The following SLC9A1 variants were observed in gnomAD, a reference collection of about 807,000 sequenced individuals.
SLC9A1 encodes solute carrier family 9 member A1.
SLC9A1 carries 22 observed loss-of-function variants against 67.9 expected under a neutral mutation model. That is an observed-to-expected ratio of 0.32 (90% CI 0.23 to 0.46). The LOEUF (loss-of-function observed/expected upper bound fraction) is 0.46. SLC9A1 is among the 20% of genes least tolerant of loss of function. The probability of loss-of-function intolerance (pLI) is 1.00; values close to 1 mark genes in which losing one functional copy is unlikely to be tolerated. For synonymous variants in SLC9A1, 421 were observed against 471.8 expected, an observed-to-expected ratio of 0.89 and a Z score of 1.40; for missense variants, 686 against 1,094.8, an observed-to-expected ratio of 0.63 and a Z score of 5.27.
chr1:27,105,624 G>A (rs2083178029), intron 5 of SLC9A1: 1 of 677,724 alleles, frequency 1.5e-6, no homozygotes, highest in Non-Finnish European at 2.8e-6. Context: ...AATGCTCTAT[G>A]AGTTCCAAAT....
rs1048948807 is a variant in SLC9A1 at position 27,107,745 on chromosome 1, G to A, written c.1185C>T (p.Phe395=). 1 of 1,592,710 alleles carries A rather than the reference G, an allele frequency of 6.3e-7. No homozygotes were observed. Among genetic ancestry groups the A allele is most frequent in the Non-Finnish European group, 8.5e-7 (1 of 1,170,442 alleles). Residue 395 remains phenylalanine (F), a synonymous_variant, in exon 4 of 12, where the codon TTC becomes TTT. Transcript: ENST00000263980. ...MWSSVSETLI[F]IFLGVSTVAG... is the part of the protein sequence containing the mutation. ...CCACCGTGGAGACGCCGAGGAAGAT[G>A]AAGATGAGGGTCTCGCTGACGCTGC...
chr1:27,100,706 A>G lies in SLC9A1; in HGVS notation c.2111-62T>C. 2 of 1,394,684 alleles carry G rather than the reference A, an allele frequency of 1.4e-6. No individual in the cohort carries two copies. Among genetic ancestry groups the G allele is most frequent in the South Asian group, 1.3e-5 (1 of 75,460 alleles). 86.4% of individuals were successfully genotyped at this position (1,394,684 alleles called of 1,614,324 possible). A position where few individuals can be genotyped will look rare whatever the true frequency, so the allele number is the denominator to read the frequency against. Reference sequence around the variant, plus strand: ...TCTGGAGCCCGGCCCAGCACGTGCCACTCGGCCGCGTCAGTGCCTCCTTCA... The same window carrying G: ...TCTGGAGCCCGGCCCAGCACGTGCCGCTCGGCCGCGTCAGTGCCTCCTTCA... On this transcript the variant is annotated intron_variant, in intron 11 of 11. Transcript: ENST00000263980. This position sits in a 1 kb window ranked among gnomAD's most constrained non-coding sequence, Gnocchi z 5.6.
chr1:27,131,864 T>C (rs1448902417), intron 1 of SLC9A1, among the ~76,000 whole-genome samples: 1 of 144,994 alleles, frequency 6.9e-6, no homozygotes, highest in Non-Finnish European at 1.5e-5. Flanking sequence ...GAGGTTGCAG[T>C]GAGCATAGAC....
intron 1 of SLC9A1, among the ~76,000 whole-genome samples, chr1:27,131,951 T>TAAAAAAAAAAAAAAAAAA (rs1557428227): frequency 5.7e-5 from 2 of 35,100 alleles, no homozygotes; most frequent in African/African-American, 1.6e-4. Context: ...AAAAAAAATA[T>TAAAAAAAAAAAAAAAAAA]ATATATATAT....
chr1:27,147,338 A>G (rs1557436786), intron 1 of SLC9A1, among the ~76,000 whole-genome samples: 2 of 150,752 alleles, frequency 1.3e-5, no homozygotes, highest in Admixed American at 6.6e-5. Flanking sequence ...AAAAAAATAC[A>G]AAAATTAGCT....
rs1557739397 is a variant in SLC9A1, at chr1:27,107,815, G to C, written c.1115C>G (p.Ser372Cys). 1 of 1,610,006 alleles carries C rather than the reference G, an allele frequency of 6.2e-7. No individual in the cohort carries two copies. The highest frequency in any genetic ancestry group is 8.5e-7 in the Non-Finnish European group (1 of 1,178,764). Residue 372 changes from serine (S) to cysteine (C), a missense_variant, in exon 4 of 12, where the codon TCC (serine) becomes TGC (cysteine). By Grantham distance (112) the Ser-to-Cys change is moderately radical (BLOSUM62 -1). Around this residue, in one of 7 missense-constraint regions of SLC9A1, gnomAD observed 168 missense variants for 375.4 expected, o/e 0.45. Coordinates refer to ENST00000263980, the MANE Select transcript of SLC9A1 (RefSeq NM_003047.5). ...VMRPYVEANI[S>C]HKSHTTIKYF... is the part of the protein sequence containing the mutation. ...TTTGATGGTGGTGTGGGACTTGTGGGAGATGTTGGCCTCCACATAGGGGCG... is the reference window on the plus strand; with the variant it reads ...TTTGATGGTGGTGTGGGACTTGTGGCAGATGTTGGCCTCCACATAGGGGCG...
chr1:27,134,567 G>C (rs1051009771), intron 1 of SLC9A1, among the ~76,000 whole-genome samples: 10 of 152,150 alleles, frequency 6.6e-5, no homozygotes, highest in Admixed American at 2.6e-4. Flanking sequence ...CAGATCCTGG[G>C]TTCCACCTAG....
chr1:27,145,060 A>G lies in SLC9A1; in HGVS notation c.352+8923T>C, dbSNP rs1305122908. ...CGAAGAGCAAGACTCCATCTCAAAA[A>G]AAAAGGAAAAAGGAAAAAAAAAAAA... On this transcript the variant is annotated intron_variant, in intron 1 of 11. Coordinates refer to ENST00000263980, the MANE Select transcript of SLC9A1 (RefSeq NM_003047.5). 2.0e-5 allele frequency among the ~76,000 whole-genome samples: 3 copies of G among 151,508 alleles called. No homozygotes were observed. The South Asian group carries it at 6.2e-4, about 31-fold the overall frequency.
chr1:27,120,508 C>G (rs545026822), intron 1 of SLC9A1, among the ~76,000 whole-genome samples: 1 of 151,230 alleles, frequency 6.6e-6, no homozygotes, highest in Non-Finnish European at 1.5e-5. Flanking sequence ...GAGGCCGAGG[C>G]GGGTGGATCA....
Position 27,101,920 on chromosome 1 carries a change from G to A in SLC9A1, c.1936-94C>T. ...TGCTGGAGGCCGGGCCAGTCCTGGG[G>A]TGGGTGCCGAGGGGCACGGGCAGGG... On this transcript the variant is annotated intron_variant, in intron 9 of 11. Coordinates refer to ENST00000263980, the MANE Select transcript of SLC9A1 (RefSeq NM_003047.5). This position sits in a 1 kb window ranked among gnomAD's most constrained non-coding sequence, Gnocchi z 4.9. 1 of 1,411,900 alleles carries A rather than the reference G, an allele frequency of 7.1e-7. No individual in the cohort carries two copies. Among genetic ancestry groups the A allele is most frequent in the South Asian group, 1.1e-5 (1 of 87,074 alleles). 87.5% of individuals were successfully genotyped at this position (1,411,900 alleles called of 1,614,324 possible). A position where few individuals can be genotyped will look rare whatever the true frequency, so the allele number is the denominator to read the frequency against.
rs2083283201 is a variant in SLC9A1 at position 27,118,063 on chromosome 1, G to A, written c.353-3777C>T. On this transcript the variant is annotated intron_variant, in intron 1 of 11. Transcript: ENST00000263980. The surrounding 1 kb of genome is among the most constrained non-coding windows in gnomAD (Gnocchi z 4.3). ...TGCATGCACTCAGCCAGGCCAACCA[G>A]GACTGGGTCCCGGGCCTCCTGACTA... Among the ~76,000 whole-genome samples, 1 of 152,160 alleles carries A rather than the reference G, an allele frequency of 6.6e-6. No individual in the cohort carries two copies. The highest frequency in any genetic ancestry group is 2.4e-5 in the African/African-American group (1 of 41,438).
rs775073139 is a variant in SLC9A1 at position 27,103,329 on chromosome 1, T to C, written c.1486-17A>G. On this transcript the variant is annotated splice_polypyrimidine_tract_variant and intron_variant, in intron 5 of 11. Coordinates refer to ENST00000263980, the MANE Select transcript of SLC9A1 (RefSeq NM_003047.5). ...GGTCATGCCCTGGGGGGCAGGCAGG[T>C]GTCAGGCACTCCAGTTCTGCTACCC... The C allele has an allele frequency of 1.3e-6, 2 of 1,578,900 alleles. No individual in the cohort carries two copies. The highest frequency in any genetic ancestry group is 2.2e-5 in the South Asian group (2 of 90,316).
Position 27,109,661 on chromosome 1 carries a change from C to G in SLC9A1, c.930G>C (p.Val310=), listed in dbSNP as rs778029338. 1.2e-5 allele frequency: 20 copies of G among 1,613,820 alleles called. No individual in the cohort carries two copies. Among genetic ancestry groups the G allele is most frequent in the Non-Finnish European group, 1.6e-5 (19 of 1,179,954 alleles). Residue 310 remains valine (V), a synonymous_variant, in exon 3 of 12, where the codon GTG becomes GTC. Transcript: ENST00000263980. The surrounding 1 kb of genome is among the most constrained non-coding windows in gnomAD (Gnocchi z 5.5). Reference sequence around the variant, plus strand: ...TGAAGGCTGCGATGACCCCGTAGACCACGCCCACAAGCACCCCGCCCAGGG... The same window carrying G: ...TGAAGGCTGCGATGACCCCGTAGACGACGCCCACAAGCACCCCGCCCAGGG... ...VVALGGVLVG[V]VYGVIAAFTS...
At position 27,114,293 on chromosome 1, in the gene SLC9A1, A is replaced by C. The variant is rs751234185; in HGVS notation, c.353-7T>G. 6.2e-7 allele frequency: 1 copy of C among 1,601,152 alleles called. No homozygotes were observed. Among genetic ancestry groups the C allele is most frequent in the Admixed American group, 1.7e-5 (1 of 59,580 alleles). On this transcript the variant is annotated splice_polypyrimidine_tract_variant and splice_region_variant and intron_variant, in intron 1 of 11. Coordinates refer to ENST00000263980, the MANE Select transcript of SLC9A1 (RefSeq NM_003047.5). This position sits in a 1 kb window ranked among gnomAD's most constrained non-coding sequence, Gnocchi z 5.4. Reference sequence around the variant, plus strand: ...GTGGGGATCACATGGAAACCTGCGGAGGGCGAGAGAACGGGAGGCCATGGG... The same window carrying C: ...GTGGGGATCACATGGAAACCTGCGGCGGGCGAGAGAACGGGAGGCCATGGG...
chr1:27,133,183 C>T (rs1372568690), intron 1 of SLC9A1, among the ~76,000 whole-genome samples: 1 of 152,010 alleles, frequency 6.6e-6, no homozygotes, highest in Non-Finnish European at 1.5e-5. Flanking sequence ...TTCTTGTGCC[C>T]CAGCCTCCCC....
In SLC9A1 at chr1:27,137,886, C is replaced by T. The variant is rs1363198660; in HGVS notation, c.352+16097G>A. Among the ~76,000 whole-genome samples the T allele has an allele frequency of 6.6e-6, 1 of 152,222 alleles. No homozygotes were observed. The highest frequency in any genetic ancestry group is 1.5e-5 in the Non-Finnish European group (1 of 68,036). The stretch of plus-strand genomic sequence containing the variant: ...ACGCCCACTCTGCTCCAGCGTCCTG[C>T]TCGCCCCTCCCTGCTAGCAGCTCTC... On this transcript the variant is annotated intron_variant, in intron 1 of 11. Coordinates refer to ENST00000263980, the MANE Select transcript of SLC9A1 (RefSeq NM_003047.5). This position sits in a 1 kb window ranked among gnomAD's most constrained non-coding sequence, Gnocchi z 4.6.
Position 27,105,966 on chromosome 1 carries a change from G to A in SLC9A1, c.1404C>T (p.Leu468=). 1 of 1,613,732 alleles carries A rather than the reference G, an allele frequency of 6.2e-7. No homozygotes were observed. Residue 468 remains leucine (L), a synonymous_variant, in exon 5 of 12, where the codon CTC becomes CTT. Transcript: ENST00000263980. ...RGAIAFSLGY[L]LDKKHFPMCD... ...ACATGGGGAAGTGCTTCTTGTCCAG[G>A]AGGTAGCCCAGAGAGAAGGCGATGG...
intron 2 of SLC9A1, among the ~76,000 whole-genome samples, chr1:27,111,294 T>G (rs999608198): frequency 6.6e-6 from 1 of 152,098 alleles, no homozygotes; most frequent in Non-Finnish European, 1.5e-5. Context: ...AAAGTCCTCC[T>G]TTCTGGCCTG....
In SLC9A1 at chr1:27,100,414, C is replaced by A; in HGVS notation, c.2341G>T (p.Ala781Ser). The change falls in exon 12 of 12, where the codon GCG (alanine) becomes TCG (serine). Residue 781 changes from alanine to serine, a missense_variant. Coordinates refer to ENST00000263980, the MANE Select transcript of SLC9A1 (RefSeq NM_003047.5). This position sits in a 1 kb window ranked among gnomAD's most constrained non-coding sequence, Gnocchi z 5.6. Reference sequence around the variant, plus strand: ...TGGGAGCTGGGGCTGTCACTGGGCGCGGGGGTGAAGACATCGTCGGTTCCT... The same window carrying A: ...TGGGAGCTGGGGCTGTCACTGGGCGAGGGGGTGAAGACATCGTCGGTTCCT... ...SPGTDDVFTPAPSDSPSSQRI... is the reference protein window; with the variant it reads ...SPGTDDVFTPSPSDSPSSQRI... The A allele has an allele frequency of 6.2e-7, 1 of 1,608,684 alleles. No homozygotes were observed. The highest frequency in any genetic ancestry group is 1.7e-4 in the Middle Eastern group (1 of 6,030).
Sources: gnomAD v4.1 joint callset for allele counts (sites outside exome capture counted in the v4.1 genomes callset) on GRCh38, gnomAD v4.1.1 for gene constraint, gnomAD v4.1.1 regional missense constraint, Gnocchi (gnomAD v3.1) non-coding constraint, MANE v1.5 for transcripts, NCBI Gene and HGNC (gene_info 2026-07-23, HGNC 2026-07-21) for gene names.